Variants in DAPK2 observed in about 807,000 individuals in gnomAD.
DAPK2 encodes death-associated protein kinase 2.
In DAPK2, 35 loss-of-function variants were observed where a neutral mutation model predicts 44.1. The observed-to-expected ratio is 0.79, with a 90% confidence interval of 0.61 to 1.05. The LOEUF (loss-of-function observed/expected upper bound fraction) is 1.05. Among genes scored for constraint, DAPK2 ranks in the 50% least tolerant of loss-of-function variants. DAPK2 has a pLI of 0.00. For synonymous variants in DAPK2, 174 were observed against 182.6 expected (o/e 0.95, Z 0.38); for missense variants, 453 against 483.2 (o/e 0.94, Z 0.59).
intron 2 of DAPK2, among the ~76,000 whole-genome samples, chr15:63,979,524 T>C (rs1035323740): frequency 6.6e-6 from 1 of 152,194 alleles, no homozygotes; most frequent in African/African-American, 2.4e-5. Flanking sequence ...ATACTAACAC[T>C]TACTGGGCAA....
chr15:64,029,085 T>C (rs922815029), intron 1 of DAPK2, among the ~76,000 whole-genome samples: 2 of 151,948 alleles, frequency 1.3e-5, no homozygotes, highest in African/African-American at 4.8e-5. Context: ...AGCAAGGATA[T>C]CCAGAAGATA....
intron 7 of DAPK2, among the ~76,000 whole-genome samples, chr15:63,925,678 G>GCGCACACA (rs1352051474): frequency 5.8e-4 from 81 of 138,538 alleles, no homozygotes; most frequent in African/African-American, 2.0e-3. Flanking sequence ...GACTTGTAGC[G>GCGCACACA]CACACACACA....
At chr15:64,046,355 C>CGCGGCGTGA, upstream of DAPK2, 1 of 352,128 alleles carries the variant, frequency 2.8e-6, no homozygotes, top group Non-Finnish European at 3.2e-6. This position sits in a 1 kb window ranked among gnomAD's most constrained non-coding sequence, Gnocchi z 5.3. Flanking sequence ...GAGCGGCGGG[C>CGCGGCGTGA]GCGGCGGGCG....
At chr15:63,985,628 A>G (rs1005202714) in intron 1 of DAPK2, among the ~76,000 whole-genome samples, 9 of 152,156 alleles carry the variant, frequency 5.9e-5, no homozygotes, top group African/African-American at 1.9e-4. Flanking sequence ...TAAGGGATAC[A>G]CTTAGGTTTA....
At chr15:63,982,339 T>C (rs754177277) in intron 2 of DAPK2, among the ~76,000 whole-genome samples, 20 of 151,944 alleles carry the variant, frequency 1.3e-4, no homozygotes, top group East Asian at 9.6e-4. Context: ...TACAGACACC[T>C]GCCACCACAC....
chr15:63,983,892 C>T (rs2078600697), intron 1 of DAPK2, 138 bp from the exon 3 acceptor site: 9 of 778,640 alleles, frequency 1.2e-5, no homozygotes, highest in Middle Eastern at 5.3e-4. Flanking sequence ...TCTGCATCCC[C>T]ACCTGATGAC....
chr15:63,932,843 C>T (rs994774693), intron 4 of DAPK2, among the ~76,000 whole-genome samples: 1 of 152,164 alleles, frequency 6.6e-6, no homozygotes, highest in Non-Finnish European at 1.5e-5. Context: ...TTTATAGTCA[C>T]TTTATTTTTT....
chr15:64,027,515 T>A (rs2079883390), intron 1 of DAPK2, among the ~76,000 whole-genome samples: 1 of 151,954 alleles, frequency 6.6e-6, no homozygotes, highest in African/African-American at 2.4e-5. Flanking sequence ...TGAGCCATGA[T>A]CACGCCACTG....
chr15:63,965,557 C>T (rs546190855), intron 3 of DAPK2, among the ~76,000 whole-genome samples: 13 of 152,200 alleles, frequency 8.5e-5, no homozygotes, highest in South Asian at 6.2e-4. Context: ...AGCTTCCCCC[C>T]CTTGGGTGGT....
chr15:64,031,318 A>T (rs2080009693), intron 1 of DAPK2, among the ~76,000 whole-genome samples: 1 of 150,964 alleles, frequency 6.6e-6, no homozygotes, highest in African/African-American at 2.4e-5. Context: ...CTGCAGCTTC[A>T]ACTTCCCATG....
chr15:63,952,116 T>C (rs1180671258), intron 3 of DAPK2, among the ~76,000 whole-genome samples: 1 of 152,116 alleles, frequency 6.6e-6, no homozygotes, highest in African/African-American at 2.4e-5. Context: ...GACAGATGCC[T>C]GTAATCCCAA....
intron 3 of DAPK2, among the ~76,000 whole-genome samples, chr15:63,942,529 G>A (rs2077336783): frequency 6.6e-6 from 1 of 151,614 alleles, no homozygotes; most frequent in Non-Finnish European, 1.5e-5. Flanking sequence ...TCCAGCCTGG[G>A]CGACAAAGTG....
At position 63,923,056 on chromosome 15, in the gene DAPK2, C is replaced by T; in HGVS notation, c.858+1760G>A. 6.5e-7 allele frequency: 1 copy of T among 1,535,856 alleles called. No individual in the cohort carries two copies. The highest frequency in any genetic ancestry group is 8.7e-7 in the Non-Finnish European group (1 of 1,146,728). On this transcript the variant is annotated intron_variant, in intron 8 of 10. Transcript: ENST00000261891. The surrounding 1 kb of genome is among the most constrained non-coding windows in gnomAD (Gnocchi z 4.2). ...CATACCTGAGCTGGGACAGGTCATG[C>T]CGGGCGCTCTCATTCTCCTCTCGGT...
At position 63,966,955 on chromosome 15, in the gene DAPK2, C is replaced by T. The variant is rs550314230; in HGVS notation, c.453+4468G>A. 5.3e-5 allele frequency among the ~76,000 whole-genome samples: 8 copies of T among 151,954 alleles called. No homozygotes were observed. The highest frequency in any genetic ancestry group is 3.9e-4 in the East Asian group (2 of 5,130). ...CAGCACTTTGGGAGGCCGAGGTGGG[C>T]GGATCACGAGTCAGGAGATGGAGAC... On this transcript the variant is annotated intron_variant, in intron 3 of 10. Transcript: ENST00000261891. The surrounding 1 kb of genome is among the most constrained non-coding windows in gnomAD (Gnocchi z 5.5).
intron 3 of DAPK2, among the ~76,000 whole-genome samples, chr15:63,960,178 T>C (rs1440015139): frequency 2.0e-5 from 3 of 152,254 alleles, no homozygotes; most frequent in African/African-American, 7.2e-5. Context: ...GTAGTTTGTA[T>C]TTCTGTGGGA....
At chr15:63,911,742 C>G in intron 10 of DAPK2, 166 bp downstream of exon 11, 1 of 714,874 alleles carries the variant, frequency 1.4e-6, no homozygotes, top group Non-Finnish European at 2.4e-6. Context: ...ACACACTCCT[C>G]TGAAGATCAC....
chr15:63,914,948 C>CAG (rs1358273420), intron 8 of DAPK2, among the ~76,000 whole-genome samples: 7 of 152,200 alleles, frequency 4.6e-5, no homozygotes, highest in Non-Finnish European at 8.8e-5. Context: ...TATTTATTCA[C>CAG]ATTCAGTCCT....
In DAPK2 at chr15:63,986,487, T is replaced by C. The variant is rs58335611; in HGVS notation, c.93-2733A>G. ...CTGCCCCGGCTGGAGGGCAGTGGTG[T>C]GATCATAACTCACTGCAGCCTCAAA... On this transcript the variant is annotated intron_variant, in intron 1 of 10. Coordinates refer to ENST00000261891, the Ensembl canonical transcript of DAPK2. Among the ~76,000 whole-genome samples, 331 of 152,242 alleles carry C rather than the reference T, an allele frequency of 2.2e-3. 3 individuals are homozygous for C. The highest frequency in any genetic ancestry group is 7.5e-3 in the African/African-American group (312 of 41,546).
intron 1 of DAPK2, among the ~76,000 whole-genome samples, chr15:64,018,430 G>A (rs549148572): frequency 1.3e-5 from 2 of 152,294 alleles, no homozygotes; most frequent in South Asian, 4.1e-4. Context: ...AACCAGGTAC[G>A]AAGAAGGTGA....
Sources: gnomAD v4.1 joint callset for allele counts (sites outside exome capture counted in the v4.1 genomes callset) on GRCh38, gnomAD v4.1.1 for gene constraint, Gnocchi (gnomAD v3.1) non-coding constraint, MANE v1.5 for transcripts, NCBI Gene and HGNC (gene_info 2026-07-23, HGNC 2026-07-21) for gene names.